Variants in RNF24 observed in about 807,000 individuals in gnomAD.
The protein encoded by RNF24 is ring finger protein 24.
In RNF24, 14 loss-of-function variants were observed where a neutral mutation model predicts 20.0. The ratio of observed to expected loss-of-function variants is 0.70; its 90% CI spans 0.46 to 1.10. The LOEUF (loss-of-function observed/expected upper bound fraction) is 1.10, where lower values mean the gene tolerates loss of function less well. Among genes scored for constraint, RNF24 ranks in the 50% least tolerant of loss-of-function variants. RNF24 has a pLI of 0.00. For synonymous variants in RNF24, 45 were observed against 61.1 expected (o/e 0.74, Z 1.23); for missense variants, 124 against 177.6 (o/e 0.70, Z 1.71).
intron 2 of RNF24, among the ~76,000 whole-genome samples, chr20:3,951,407 G>C (rs1273358109): frequency 6.6e-6 from 1 of 152,136 alleles, no homozygotes; most frequent in Non-Finnish European, 1.5e-5. Flanking sequence ...CCACTGTAGT[G>C]TATCTTGAGG....
At position 3,927,493 on chromosome 20, in the gene RNF24, G is replaced by C. The variant is rs550096047; in HGVS notation, c.*6570C>G. On this transcript the variant is annotated 3_prime_UTR_variant, in exon 6 of 6. Coordinates refer to ENST00000358395, the MANE Select transcript of RNF24 (RefSeq NM_001134337.3). ...TGCAGAATTTTTAGTGTACAAAGAC[G>C]TCTATGAAACCTGAGGTTCAGCATT... 1 of 152,282 alleles carries C rather than the reference G, an allele frequency of 6.6e-6. No individual in the cohort carries two copies. The highest frequency in any genetic ancestry group is 2.1e-4 in the South Asian group (1 of 4,822). The allele number at this position is 152,282 out of a possible 1,614,324, so 9.4% of individuals were successfully genotyped here.
At chr20:3,969,404 A>C (rs2091290870) in intron 1 of RNF24, among the ~76,000 whole-genome samples, 1 of 152,086 alleles carries the variant, frequency 6.6e-6, no homozygotes, top group Admixed American at 6.6e-5. Context: ...TGGGGACCCA[A>C]GGAACCACAT....
intron 1 of RNF24, chr20:3,974,225 T>A: frequency 9.0e-7 from 1 of 1,107,640 alleles, no homozygotes; most frequent in Non-Finnish European, 1.3e-6. Context: ...TTCTTCAACA[T>A]GTTAAAAAGC....
intron 1 of RNF24, among the ~76,000 whole-genome samples, chr20:3,993,035 A>G (rs1208115582): frequency 1.3e-5 from 2 of 152,214 alleles, no homozygotes; most frequent in Non-Finnish European, 2.9e-5. Flanking sequence ...AAAAAGAGTT[A>G]GCCTGATGTA....
chr20:4,007,157 A>G (rs371043989), intron 1 of RNF24, among the ~76,000 whole-genome samples: 1 of 152,260 alleles, frequency 6.6e-6, no homozygotes, highest in Non-Finnish European at 1.5e-5. Flanking sequence ...TAGCTTGTAT[A>G]TTTTGTATTT....
At chr20:4,007,254 T>A (rs993034352) in intron 1 of RNF24, among the ~76,000 whole-genome samples, 2 of 152,196 alleles carry the variant, frequency 1.3e-5, no homozygotes, top group African/African-American at 4.8e-5. Context: ...TAAAACAGAC[T>A]ATTTAACATG....
intron 2 of RNF24, among the ~76,000 whole-genome samples, chr20:3,955,020 C>A (rs1214175280): frequency 6.6e-6 from 1 of 152,120 alleles, no homozygotes; most frequent in South Asian, 2.1e-4. Context: ...CTCATTAACA[C>A]TTGTTATTTT....
Position 3,928,399 on chromosome 20 carries a change from T to C in RNF24, c.*5664A>G. 1 of 152,242 alleles carries C rather than the reference T, an allele frequency of 6.6e-6. No individual in the cohort carries two copies. Among genetic ancestry groups the C allele is most frequent in the Non-Finnish European group, 1.5e-5 (1 of 68,006 alleles). The allele number at this position is 152,242 out of a possible 1,614,324, so 9.4% of individuals were successfully genotyped here. A position where few individuals can be genotyped will look rare whatever the true frequency, so the allele number is the denominator to read the frequency against. ...GCGAGGCACAAGTCTGTGCCCCTAC[T>C]CCCAGGGCTGCCTGGAGGAAGCAGC... On this transcript the variant is annotated 3_prime_UTR_variant, in exon 6 of 6. Transcript: ENST00000358395.
At chr20:3,940,534 T>C (rs1320430571) in intron 4 of RNF24, among the ~76,000 whole-genome samples, 1 of 151,850 alleles carries the variant, frequency 6.6e-6, no homozygotes, top group Non-Finnish European at 1.5e-5. Flanking sequence ...ATAGAAATAA[T>C]GGCTAAAAAC....
intron 1 of RNF24, among the ~76,000 whole-genome samples, chr20:3,983,360 A>G (rs1979595739): frequency 6.6e-6 from 1 of 152,142 alleles, no homozygotes; most frequent in South Asian, 2.1e-4. Flanking sequence ...GCCTATACGT[A>G]TTATAAATGG....
At chr20:3,985,318 A>G (rs1310729718) in intron 1 of RNF24, among the ~76,000 whole-genome samples, 4 of 152,162 alleles carry the variant, frequency 2.6e-5, no homozygotes, top group Non-Finnish European at 4.4e-5. Context: ...TGAACTCCTG[A>G]GCACCAGCAA....
intron 1 of RNF24, among the ~76,000 whole-genome samples, chr20:3,975,788 A>G (rs1190157345): frequency 6.6e-6 from 1 of 152,198 alleles, no homozygotes; most frequent in Non-Finnish European, 1.5e-5. Context: ...TATAAGAAGC[A>G]GAGACTGAAG....
Position 3,931,814 on chromosome 20 carries a change from C to T in RNF24, c.*2249G>A, listed in dbSNP as rs1323128922. On this transcript the variant is annotated 3_prime_UTR_variant, in exon 6 of 6. Coordinates refer to ENST00000358395, the MANE Select transcript of RNF24 (RefSeq NM_001134337.3). ...GTGCAGAGTGCAGAGCATTCTTGTG[C>T]TCTCCTCTCATGGCTGGAACTATCT... The T allele has an allele frequency of 6.6e-6, 1 of 152,274 alleles. No homozygotes were observed. Among genetic ancestry groups the T allele is most frequent in the Admixed American group, 6.5e-5 (1 of 15,288 alleles). 9.4% of individuals were successfully genotyped at this position (152,274 alleles called of 1,614,324 possible).
intron 2 of RNF24, among the ~76,000 whole-genome samples, chr20:3,959,095 T>TTAA (rs1227033573): frequency 6.6e-6 from 1 of 152,200 alleles, no homozygotes; most frequent in African/African-American, 2.4e-5. Flanking sequence ...CTTCTACCTA[T>TTAA]TAATTACATG....
intron 1 of RNF24, among the ~76,000 whole-genome samples, chr20:3,990,233 A>C (rs576339442): frequency 6.6e-6 from 1 of 152,304 alleles, no homozygotes; most frequent in South Asian, 2.1e-4. Context: ...TTTCTAAGTA[A>C]AACTCAGAAA....
At chr20:3,967,778 G>A (rs559860680) in intron 1 of RNF24, among the ~76,000 whole-genome samples, 6 of 151,444 alleles carry the variant, frequency 4.0e-5, no homozygotes, top group African/African-American at 1.5e-4. Flanking sequence ...GGCAGATCAC[G>A]AGGTCAGGAG....
At chr20:3,979,113 A>C (rs2147022742) in intron 1 of RNF24, among the ~76,000 whole-genome samples, 1 of 150,202 alleles carries the variant, frequency 6.7e-6, no homozygotes, top group Admixed American at 6.6e-5. Context: ...AAAACCCAAA[A>C]CAAATAATAT....
chr20:3,981,141 A>C (rs1005808545), intron 1 of RNF24, among the ~76,000 whole-genome samples: 2 of 151,950 alleles, frequency 1.3e-5, no homozygotes, highest in South Asian at 4.2e-4. Context: ...ATTTTTCTCA[A>C]CGTAAATATT....
At chr20:4,002,377 C>CTCCG (rs767398823) in intron 1 of RNF24, among the ~76,000 whole-genome samples, 30 of 152,228 alleles carry the variant, frequency 2.0e-4, no homozygotes, top group Admixed American at 4.6e-4. Context: ...CAGAGCAAGA[C>CTCCG]TCCGTCTCAA....
Sources: allele counts gnomAD v4.1 joint callset (sites outside exome capture counted in the v4.1 genomes callset), GRCh38; gene constraint gnomAD v4.1.1; transcripts MANE v1.5; gene names NCBI Gene and HGNC (gene_info 2026-07-23, HGNC 2026-07-21).